Variants in SLC4A10 observed in about 807,000 individuals in gnomAD.
SLC4A10 encodes solute carrier family 4 member 10.
In SLC4A10, 42 loss-of-function variants were observed where a neutral mutation model predicts 137.7. The ratio of observed to expected loss-of-function variants is 0.30; its 90% CI spans 0.24 to 0.39. The LOEUF (loss-of-function observed/expected upper bound fraction) is 0.39, where lower values mean the gene tolerates loss of function less well. SLC4A10 is among the 10% of genes least tolerant of loss of function. SLC4A10 has a pLI of 1.00. For synonymous variants in SLC4A10, 474 were observed against 464.1 expected (o/e 1.02, Z -0.27); for missense variants, 925 against 1,355.0 (o/e 0.68, Z 4.98).
At chr2:161,824,040 T>A (rs1344914124) in intron 3 of SLC4A10, among the ~76,000 whole-genome samples, 2 of 152,190 alleles carry the variant, frequency 1.3e-5, no homozygotes, top group Non-Finnish European at 2.9e-5. Context: ...CTATCGATGC[T>A]TTGTCCCTGA....
intron 1 of SLC4A10, among the ~76,000 whole-genome samples, chr2:161,762,763 CAT>C (rs1162061990): frequency 3.3e-5 from 5 of 151,888 alleles, no homozygotes; most frequent in Non-Finnish European, 7.4e-5. Context: ...CATGTTTTAA[CAT>C]AGTGAAATGA....
chr2:161,964,682 T>C (rs1367076670), intron 22 of SLC4A10, among the ~76,000 whole-genome samples: 9 of 152,198 alleles, frequency 5.9e-5, no homozygotes, highest in African/African-American at 2.2e-4. Flanking sequence ...ATAGTGAATT[T>C]GAATGACTAA....
intron 1 of SLC4A10, among the ~76,000 whole-genome samples, chr2:161,639,214 G>C (rs1345855757): frequency 1.3e-5 from 2 of 151,924 alleles, no homozygotes; most frequent in African/African-American, 4.8e-5. Flanking sequence ...AAGAACAAAT[G>C]CCATTCTTCT....
At chr2:161,771,410 A>AG (rs1369878885) in intron 2 of SLC4A10, among the ~76,000 whole-genome samples, 1 of 151,802 alleles carries the variant, frequency 6.6e-6, no homozygotes, top group Non-Finnish European at 1.5e-5. Context: ...GTAGGACAGG[A>AG]GGGGGAGGGG....
chr2:161,694,427 G>A (rs540754907), intron 1 of SLC4A10, among the ~76,000 whole-genome samples: 3 of 149,724 alleles, frequency 2.0e-5, no homozygotes, highest in East Asian at 3.9e-4. Flanking sequence ...GAAGAAATAC[G>A]ATAAAATGTT....
Position 161,957,111 on chromosome 2 carries a change from A to G in SLC4A10, c.2664A>G (p.Leu888=), listed in dbSNP as rs759804693. 2 of 1,613,732 alleles carry G rather than the reference A, an allele frequency of 1.2e-6. No individual in the cohort carries two copies. Among genetic ancestry groups the G allele is most frequent in the East Asian group, 2.2e-5 (1 of 44,860 alleles). Residue 888 remains leucine (L), a synonymous_variant, in exon 20 of 27, where the codon CTA becomes CTG. Coordinates refer to ENST00000446997, the MANE Select transcript of SLC4A10 (RefSeq NM_001178015.2). ...TVLSITHVNS[L]KLESECSAPG... ...TCTCCATCACTCATGTCAATAGCCT[A>G]AAACTGGAATCAGAATGCTCAGCTC...
At chr2:161,909,878 C>T (rs535709080) in intron 15 of SLC4A10, among the ~76,000 whole-genome samples, 1 of 152,192 alleles carries the variant, frequency 6.6e-6, no homozygotes, top group East Asian at 1.9e-4. Flanking sequence ...CTTTTAGTGG[C>T]TTTCTTGTTA....
At chr2:161,932,920 A>G (rs1245752982) in intron 15 of SLC4A10, among the ~76,000 whole-genome samples, 1 of 151,990 alleles carries the variant, frequency 6.6e-6, no homozygotes, top group Admixed American at 6.6e-5. Flanking sequence ...TCTACTTTCT[A>G]TTTCCATGAG....
chr2:161,809,272 G>T (rs775048530), intron 3 of SLC4A10, among the ~76,000 whole-genome samples: 3 of 151,828 alleles, frequency 2.0e-5, no homozygotes, highest in African/African-American at 7.3e-5. Context: ...TTGTGGATTC[G>T]GGGTATCAGA....
At chr2:161,818,525 G>C (rs2057325143) in intron 3 of SLC4A10, among the ~76,000 whole-genome samples, 1 of 152,152 alleles carries the variant, frequency 6.6e-6, no homozygotes, top group African/African-American at 2.4e-5. Flanking sequence ...TTGAATAGGA[G>C]TGGTGAGAGA....
At chr2:161,935,902 A>G (rs62189666) in intron 15 of SLC4A10, among the ~76,000 whole-genome samples, 10,204 of 152,130 alleles carry the variant, frequency 0.067, 444 homozygotes, top group East Asian at 0.13. Context: ...TCACCATTGA[A>G]TAAGATATTA....
chr2:161,889,215 T>A (rs1173897116), intron 10 of SLC4A10, among the ~76,000 whole-genome samples: 2 of 152,224 alleles, frequency 1.3e-5, no homozygotes, highest in African/African-American at 2.4e-5. Context: ...TTTGCATCAA[T>A]GTTCATCAGG....
At position 161,879,162 on chromosome 2, in the gene SLC4A10, C is replaced by T. The variant is rs1575417532; in HGVS notation, c.980C>T (p.Pro327Leu). 1.9e-6 allele frequency: 3 copies of T among 1,613,252 alleles called. No homozygotes were observed. The highest frequency in any genetic ancestry group is 2.5e-6 in the Non-Finnish European group (3 of 1,179,462). The change falls in exon 9 of 27, where the codon CCA becomes CTA. Residue 327 changes from proline (P) to leucine (L), a missense_variant. Transcript: ENST00000446997. ...VDLHFMKKIP[P>L]GAEASNILVG... is the part of the protein sequence containing the mutation. ...CTGCATTTTATGAAAAAGATTCCTCCAGGTGCTGAAGCATCGAACATCTTA... is the reference window on the plus strand; with the variant it reads ...CTGCATTTTATGAAAAAGATTCCTCTAGGTGCTGAAGCATCGAACATCTTA...
chr2:161,729,662 A>G (rs1051184874), intron 1 of SLC4A10, among the ~76,000 whole-genome samples: 2 of 152,186 alleles, frequency 1.3e-5, no homozygotes, highest in Non-Finnish European at 2.9e-5. Context: ...CCTTAAGAAT[A>G]GTATTGTATC....
chr2:161,965,301 A>T (rs1438847415), intron 23 of SLC4A10, 128 bp downstream of exon 23: 1 of 850,632 alleles, frequency 1.2e-6, no homozygotes, highest in East Asian at 3.1e-5. Flanking sequence ...AACAACCACA[A>T]GTAGACTAGT....
chr2:161,763,443 A>G (rs929130145), intron 1 of SLC4A10, among the ~76,000 whole-genome samples: 1 of 152,136 alleles, frequency 6.6e-6, no homozygotes, highest in African/African-American at 2.4e-5. Context: ...TATAAGAAAT[A>G]AAAAATACGT....
chr2:161,976,612 TTA>T (rs1204557259), intron 24 of SLC4A10, 146 bp from the exon 25 acceptor site: 1 of 476,918 alleles, frequency 2.1e-6, no homozygotes, highest in African/African-American at 2.0e-5. Context: ...GTAGTAAATT[TTA>T]TGTTATGTGT....
chr2:161,850,334 G>C lies in SLC4A10; in HGVS notation c.417-4636G>C, dbSNP rs143143871. 4.8e-4 allele frequency among the ~76,000 whole-genome samples: 73 copies of C among 152,270 alleles called. No homozygotes were observed. The East Asian group carries it at 0.013, about 28-fold the overall frequency. On this transcript the variant is annotated intron_variant, in intron 4 of 26. Coordinates refer to ENST00000446997, the MANE Select transcript of SLC4A10 (RefSeq NM_001178015.2). ...TGAGTGCAGGAACAGAGGTTGCAGT[G>C]AGTCAAGATTGTGCCACTGCACTCC...
intron 1 of SLC4A10, among the ~76,000 whole-genome samples, chr2:161,658,131 C>G (rs551648117): frequency 1.3e-5 from 2 of 152,238 alleles, no homozygotes; most frequent in African/African-American, 4.8e-5. Context: ...GATAGTCAGT[C>G]TTTTCAACAT....
Sources: allele counts gnomAD v4.1 joint callset (sites outside exome capture counted in the v4.1 genomes callset), GRCh38; gene constraint gnomAD v4.1.1; transcripts MANE v1.5; gene names NCBI Gene and HGNC (gene_info 2026-07-23, HGNC 2026-07-21).